Variants in NRXN1 observed in about 807,000 individuals in gnomAD.
NRXN1 encodes the protein neurexin 1.
In NRXN1, 39 loss-of-function variants were observed where a neutral mutation model predicts 150.9. The observed-to-expected ratio is 0.26, with a 90% CI of 0.20 to 0.34. The LOEUF (loss-of-function observed/expected upper bound fraction) is 0.34. Ranked by LOEUF, NRXN1 falls within the 10% of genes least tolerant of loss-of-function variation. NRXN1 has a pLI of 1.00. For synonymous variants in NRXN1, 924 were observed against 757.0 expected (o/e 1.22, Z -3.62); for missense variants, 1,815 against 1,949.9 (o/e 0.93, Z 1.30).
At chr2:50,390,808 T>C (rs1420585657) in intron 17 of NRXN1, among the ~76,000 whole-genome samples, 1 of 152,110 alleles carries the variant, frequency 6.6e-6, no homozygotes. Flanking sequence ...CCTCTCCAGA[T>C]GCTAGCCCCT....
intron 13 of NRXN1, among the ~76,000 whole-genome samples, chr2:50,502,460 ACCC>A (rs1475098099): frequency 6.6e-6 from 1 of 151,852 alleles, no homozygotes; most frequent in Admixed American, 6.6e-5. Flanking sequence ...ACACACGCAT[ACCC>A]ACACACACTC....
chr2:50,756,142 T>C (rs185945325), intron 5 of NRXN1, among the ~76,000 whole-genome samples: 1 of 151,906 alleles, frequency 6.6e-6, no homozygotes, highest in Non-Finnish European at 1.5e-5. Context: ...CTACATGGTC[T>C]TTCCTTCCCA....
At chr2:50,156,306 A>C (rs2152779203) in intron 18 of NRXN1, among the ~76,000 whole-genome samples, 1 of 152,038 alleles carries the variant, frequency 6.6e-6, no homozygotes, top group Non-Finnish European at 1.5e-5. Context: ...CCATTAAATA[A>C]GTAGGATAGC....
chr2:50,284,871 A>G (rs1174494722), intron 17 of NRXN1, among the ~76,000 whole-genome samples: 1 of 152,200 alleles, frequency 6.6e-6, no homozygotes, highest in Admixed American at 6.5e-5. Flanking sequence ...TTTCAGCAAA[A>G]AGATTTATAA....
chr2:50,978,305 T>TATATATATATATAA (rs1436964052), intron 2 of NRXN1, among the ~76,000 whole-genome samples: 7 of 121,622 alleles, frequency 5.8e-5, no homozygotes, highest in Non-Finnish European at 1.1e-4. Flanking sequence ...TATATATATA[T>TATATATATATATAA]AAAATATATA....
At chr2:50,424,138 G>GAGC (rs1240671166) in intron 17 of NRXN1, among the ~76,000 whole-genome samples, 3 of 127,332 alleles carry the variant, frequency 2.4e-5, no homozygotes, top group African/African-American at 8.9e-5. Context: ...GGAGGAGGAG[G>GAGC]AGGAGGGGGG....
chr2:49,942,692 C>T (rs1672211353), intron 22 of NRXN1, among the ~76,000 whole-genome samples: 1 of 152,012 alleles, frequency 6.6e-6, no homozygotes, highest in Admixed American at 6.6e-5. Context: ...TGACTGCAAC[C>T]TCTGCCTCCA....
intron 5 of NRXN1, among the ~76,000 whole-genome samples, chr2:50,785,343 A>C (rs1704955404): frequency 6.7e-6 from 1 of 148,778 alleles, no homozygotes; most frequent in South Asian, 2.1e-4. Flanking sequence ...CCGTCTCCCA[A>C]GTTCACGCCA....
At chr2:49,997,921 C>T (rs1345711764) in intron 21 of NRXN1, among the ~76,000 whole-genome samples, 2 of 152,064 alleles carry the variant, frequency 1.3e-5, no homozygotes, top group African/African-American at 4.8e-5. Context: ...ATAAAAATAA[C>T]CTTTACCTGT....
intron 8 of NRXN1, among the ~76,000 whole-genome samples, chr2:50,587,997 A>G (rs1673454009): frequency 6.6e-6 from 1 of 152,186 alleles, no homozygotes; most frequent in Admixed American, 6.5e-5. Flanking sequence ...AGTGCCTATT[A>G]TATTCTAGGC....
At chr2:50,788,149 C>T (rs1198755537) in intron 5 of NRXN1, among the ~76,000 whole-genome samples, 7 of 151,004 alleles carry the variant, frequency 4.6e-5, no homozygotes, top group African/African-American at 9.7e-5. Flanking sequence ...TGTAGTGGCG[C>T]GATCTTGGCT....
At chr2:50,296,745 G>A (rs940808542) in intron 17 of NRXN1, among the ~76,000 whole-genome samples, 2 of 152,060 alleles carry the variant, frequency 1.3e-5, no homozygotes, top group Middle Eastern at 6.9e-3. Flanking sequence ...TGGGATTACA[G>A]GTATTAGCCA....
At chr2:50,444,478 C>T (rs1026910920) in intron 17 of NRXN1, among the ~76,000 whole-genome samples, 20 of 152,070 alleles carry the variant, frequency 1.3e-4, no homozygotes, top group African/African-American at 4.8e-4. Flanking sequence ...GCAGATGAGT[C>T]ATAGGATTTA....
chr2:50,923,426 A>G, intron 3 of NRXN1: 1 of 311,008 alleles, frequency 3.2e-6, no homozygotes, highest in South Asian at 2.9e-5. Flanking sequence ...GTAAAGATAC[A>G]TATTACAGAT....
intron 17 of NRXN1, among the ~76,000 whole-genome samples, chr2:50,244,425 A>G (rs143114935): frequency 6.6e-6 from 1 of 152,012 alleles, no homozygotes; most frequent in Non-Finnish European, 1.5e-5. Context: ...TACATAATCA[A>G]TGATCAATGA....
Position 50,049,054 on chromosome 2 carries a change from A to G in NRXN1, c.4128+4217T>C, listed in dbSNP as rs202014426. 2.2e-4 allele frequency among the ~76,000 whole-genome samples: 34 copies of G among 152,330 alleles called. No homozygotes were observed. The East Asian group carries it at 6.0e-3, about 27-fold the overall frequency. On this transcript the variant is annotated intron_variant, in intron 21 of 22. Coordinates refer to ENST00000401669, the MANE Select transcript of NRXN1 (RefSeq NM_001330078.2). ...CAGACAAATTTTGCTCTGAATATAA[A>G]GAACAGGACATAATATGTATTATTC...
At chr2:49,968,706 C>T (rs1418995493) in intron 21 of NRXN1, among the ~76,000 whole-genome samples, 1 of 152,068 alleles carries the variant, frequency 6.6e-6, no homozygotes, top group Non-Finnish European at 1.5e-5. Flanking sequence ...CTCCTTGAAC[C>T]ACATTAAACT....
chr2:50,656,151 T>C (rs1686423645), intron 5 of NRXN1, among the ~76,000 whole-genome samples: 1 of 151,884 alleles, frequency 6.6e-6, no homozygotes, highest in African/African-American at 2.4e-5. Context: ...CAAACTATTG[T>C]TCCTCAGACT....
intron 17 of NRXN1, among the ~76,000 whole-genome samples, chr2:50,263,399 G>T (rs1251219687): frequency 1.3e-5 from 2 of 151,906 alleles, no homozygotes; most frequent in East Asian, 3.9e-4. Flanking sequence ...TGGACTTAGG[G>T]CAATCTCCCC....
Sources: allele counts gnomAD v4.1 joint callset (sites outside exome capture counted in the v4.1 genomes callset), GRCh38; gene constraint gnomAD v4.1.1; transcripts MANE v1.5; gene names NCBI Gene and HGNC (gene_info 2026-07-23, HGNC 2026-07-21).